NELFA: variants seen among roughly 807,000 people sequenced by gnomAD.
NELFA encodes negative elongation factor complex member A, also known as negative elongation factor A.
NELFA carries 35 observed loss-of-function variants against 51.8 expected under a neutral mutation model. The observed-to-expected ratio is 0.68, with a 90% CI of 0.52 to 0.90. The LOEUF is 0.90. Ranked by LOEUF, NELFA falls within the 40% of genes least tolerant of loss-of-function variation. The pLI, the probability that NELFA is intolerant of heterozygous loss-of-function variation, is 0.00. For synonymous variants in NELFA, 417 were observed against 338.4 expected (o/e 1.23, Z -2.55); for missense variants, 658 against 746.4 (o/e 0.88, Z 1.38).
chr4:2,008,162 C>T, intron 1 of NELFA: 1 of 400,842 alleles, frequency 2.5e-6, no homozygotes, highest in Non-Finnish European at 5.0e-6. Flanking sequence ...CCCAGGTCAC[C>T]AGGGCTGCGT....
chr4:1,986,875 G>C (rs1728120375), intron 4 of NELFA, among the ~76,000 whole-genome samples: 1 of 152,188 alleles, frequency 6.6e-6, no homozygotes, highest in African/African-American at 2.4e-5. Context: ...CAGGCCCGGA[G>C]AGAGGACGCC....
intron 1 of NELFA, among the ~76,000 whole-genome samples, chr4:1,998,046 G>A (rs1226670301): frequency 6.6e-6 from 1 of 152,098 alleles, no homozygotes; most frequent in Non-Finnish European, 1.5e-5. Context: ...CTACAGAAGA[G>A]GGACATGACT....
intron 1 of NELFA, chr4:2,007,865 T>G (rs1441347623): frequency 2.4e-6 from 1 of 414,640 alleles, no homozygotes; most frequent in Non-Finnish European, 4.8e-6. Context: ...GCCAGGAACG[T>G]TTAAACAACC....
intron 1 of NELFA, 91 bp from the exon 2 acceptor site, chr4:1,991,806 G>A: frequency 7.4e-7 from 1 of 1,355,960 alleles, no homozygotes; most frequent in Non-Finnish European, 1.0e-6. Flanking sequence ...CTGGGCAGTG[G>A]CCGGGCTCTC....
chr4:1,999,580 A>T (rs1408724894), intron 1 of NELFA, among the ~76,000 whole-genome samples: 1 of 152,236 alleles, frequency 6.6e-6, no homozygotes, highest in Non-Finnish European at 1.5e-5. Flanking sequence ...GAACAATTCG[A>T]CAAGAGCTAA....
chr4:2,008,609 A>T, intron 1 of NELFA, 141 bp downstream of exon 1: 2 of 769,856 alleles, frequency 2.6e-6, no homozygotes, highest in Non-Finnish European at 3.8e-6. Context: ...AGGGGGCGTG[A>T]GGGCGGGCCG....
chr4:2,006,371 G>A (rs888838283), intron 1 of NELFA, among the ~76,000 whole-genome samples: 2 of 152,168 alleles, frequency 1.3e-5, no homozygotes, highest in Non-Finnish European at 2.9e-5. Flanking sequence ...ATAACCCAGG[G>A]AGTGTTCCGG....
intron 7 of NELFA, among the ~76,000 whole-genome samples, chr4:1,985,126 C>T (rs185470596): frequency 1.8e-3 from 272 of 152,262 alleles, no homozygotes; most frequent in African/African-American, 6.3e-3. Context: ...CTGAGCCGCT[C>T]CTGTGTAGGA....
At chr4:2,000,726 G>C (rs377188616) in intron 1 of NELFA, among the ~76,000 whole-genome samples, 2 of 152,184 alleles carry the variant, frequency 1.3e-5, no homozygotes, top group African/African-American at 4.8e-5. Flanking sequence ...ATACAAAGAG[G>C]AGCTGGCACC....
rs1048436359 is a variant in NELFA at position 2,008,915 on chromosome 4, G to A, written c.45C>T (p.Asn15=). ...ACAGCTCGTCCGTGGCCCCCAGCTTGTTGTGCAGCCACAGGCCCGTGTCGC... is the reference window on the plus strand; with the variant it reads ...ACAGCTCGTCCGTGGCCCCCAGCTTATTGTGCAGCCACAGGCCCGTGTCGC... ...RESDTGLWLH[N]KLGATDELWA... is the part of the protein sequence containing the mutation. The change falls in exon 1 of 11, where the codon AAC becomes AAT. Residue 15 remains asparagine, a synonymous_variant. Coordinates refer to ENST00000382882, the MANE Select transcript of NELFA (RefSeq NM_005663.5). The A allele has an allele frequency of 2.0e-5, 32 of 1,579,646 alleles. No individual in the cohort carries two copies. The highest frequency in any genetic ancestry group is 4.0e-5 in the African/African-American group (3 of 74,486).
rs1008942217 is a variant in NELFA, at chr4:1,989,557, G to A, written c.544+151C>T. 8.7e-6 allele frequency: 7 copies of A among 809,046 alleles called. No individual in the cohort carries two copies. The highest frequency in any genetic ancestry group is 1.9e-5 in the South Asian group (1 of 53,414). The allele number at this position is 809,046 out of a possible 1,614,324, so 50.1% of individuals were successfully genotyped here. A position where few individuals can be genotyped will look rare whatever the true frequency, so the allele number is the denominator to read the frequency against. On this transcript the variant is annotated intron_variant, in intron 3 of 10. Coordinates refer to ENST00000382882, the MANE Select transcript of NELFA (RefSeq NM_005663.5). This position sits in a 1 kb window ranked among gnomAD's most constrained non-coding sequence, Gnocchi z 4.8. ...TGGTCTCAAACTCCTGGGCTCAAAC[G>A]ACCCACCTGCCCCAGCCTCCCAACA...
chr4:2,002,016 C>T lies in NELFA; in HGVS notation c.210+6734G>A, dbSNP rs549426035. 3.3e-3 allele frequency among the ~76,000 whole-genome samples: 501 copies of T among 151,316 alleles called. 2 individuals are homozygous for T. The highest frequency in any genetic ancestry group is 5.9e-3 in the Non-Finnish European group (399 of 67,870). On this transcript the variant is annotated intron_variant, in intron 1 of 10. Coordinates refer to ENST00000382882, the MANE Select transcript of NELFA (RefSeq NM_005663.5). ...GAGATCGAGACCATCCTGGCTAACA[C>T]GGTGAAACCCTGTCTCTACTAAAAA...
intron 1 of NELFA, among the ~76,000 whole-genome samples, chr4:2,007,382 G>A (rs1461809252): frequency 1.3e-5 from 2 of 152,260 alleles, no homozygotes; most frequent in East Asian, 1.9e-4. Flanking sequence ...AAAGCTAAGC[G>A]TGTCACTGTG....
chr4:1,999,078 CT>C (rs938581287), intron 1 of NELFA, among the ~76,000 whole-genome samples: 2 of 152,020 alleles, frequency 1.3e-5, no homozygotes, highest in Admixed American at 1.3e-4. Context: ...GAAATAAAAT[CT>C]TTTTCAGACA....
At position 1,989,691 on chromosome 4, in the gene NELFA, C is replaced by T. The variant is rs149036374; in HGVS notation, c.544+17G>A. 18 of 1,609,534 alleles carry T rather than the reference C, an allele frequency of 1.1e-5. No individual in the cohort carries two copies. The highest frequency in any genetic ancestry group is 6.7e-5 in the African/African-American group (5 of 74,864). ...AAACTACAAAGACAATGCCCGATGG[C>T]GGCCGCGGCCACTCACACTTCTGCA... is the stretch of plus-strand genomic sequence containing the variant. On this transcript the variant is annotated intron_variant, in intron 3 of 10. Coordinates refer to ENST00000382882, the MANE Select transcript of NELFA (RefSeq NM_005663.5). This position sits in a 1 kb window ranked among gnomAD's most constrained non-coding sequence, Gnocchi z 4.8.
At chr4:1,990,546 G>C (rs889469847) in intron 2 of NELFA, 5 of 456,186 alleles carry the variant, frequency 1.1e-5, no homozygotes, top group African/African-American at 1.0e-4. Context: ...AGAGGCATCT[G>C]TGTGGTGTGT....
At chr4:1,998,578 A>G (rs1193308945) in intron 1 of NELFA, among the ~76,000 whole-genome samples, 1 of 152,184 alleles carries the variant, frequency 6.6e-6, no homozygotes, top group Non-Finnish European at 1.5e-5. Context: ...TTACTGAAAT[A>G]AGACATGCAG....
intron 7 of NELFA, 54 bp from the exon 8 acceptor site, chr4:1,984,973 G>T: frequency 7.5e-7 from 1 of 1,338,428 alleles, no homozygotes; most frequent in Non-Finnish European, 1.0e-6. Context: ...TCCGGCATGT[G>T]CTAACACATG....
chr4:2,006,138 C>T (rs1183944632), intron 1 of NELFA, among the ~76,000 whole-genome samples: 1 of 152,138 alleles, frequency 6.6e-6, no homozygotes, highest in African/African-American at 2.4e-5. Flanking sequence ...ATTAGCACAT[C>T]GATATGTAAA....
Sources: gnomAD v4.1 joint callset for allele counts (sites outside exome capture counted in the v4.1 genomes callset) on GRCh38, gnomAD v4.1.1 for gene constraint, Gnocchi (gnomAD v3.1) non-coding constraint, MANE v1.5 for transcripts, NCBI Gene and HGNC (gene_info 2026-07-23, HGNC 2026-07-21) for gene names.